The following POLH variants were observed in gnomAD, a reference collection of about 807,000 sequenced individuals.
POLH encodes the protein DNA polymerase eta.
A neutral mutation model predicts 73.6 loss-of-function variants in POLH; 53 were observed. That is an observed-to-expected ratio of 0.72 (90% CI 0.58 to 0.91). POLH has a LOEUF of 0.91. Among genes scored for constraint, POLH ranks in the 40% least tolerant of loss-of-function variants. The pLI, the probability that POLH is intolerant of heterozygous loss-of-function variation, is 0.00. For synonymous variants in POLH, 292 were observed against 308.5 expected (o/e 0.95, Z 0.56); for missense variants, 768 against 865.4 (o/e 0.89, Z 1.41).
intron 4 of POLH, among the ~76,000 whole-genome samples, chr6:43,590,454 TTTTTTGTTTTGG>T (rs925970445): frequency 5.3e-5 from 8 of 151,950 alleles, no homozygotes; most frequent in Non-Finnish European, 1.2e-4. Flanking sequence ...TGAGGGTTTT[TTTTTTGTTTTGG>T]TTTTTGTTTT....
chr6:43,577,902 G>T (rs1047860722), intron 1 of POLH, among the ~76,000 whole-genome samples: 3 of 150,650 alleles, frequency 2.0e-5, no homozygotes, highest in African/African-American at 7.3e-5. Flanking sequence ...GGCTAACACG[G>T]TGAAACCCCG....
rs1768165382 is a variant in POLH, at chr6:43,614,124, A to AGTATCCAGGGTGTGTCCCTGTTT, written c.1712_1734dup (p.Glu579IlefsTer14). 6.2e-7 allele frequency: 1 copy of AGTATCCAGGGTGTGTCCCTGTTT among 1,614,084 alleles called. No individual in the cohort carries two copies. ...GCATTACCAAACTCTTTACCAACAG[A>AGTATCCAGGGTGTGTCCCTGTTT]GTATCCAGGGTGTGTCCCTGTTTGT... On this transcript the variant is annotated frameshift_variant, in exon 11 of 11. Coordinates refer to ENST00000372236, the MANE Select transcript of POLH (RefSeq NM_006502.3). LOFTEE classifies it high-confidence loss of function.
At chr6:43,595,154 T>G (rs1407484171) in intron 4 of POLH, among the ~76,000 whole-genome samples, 3 of 110,214 alleles carry the variant, frequency 2.7e-5, no homozygotes, top group Non-Finnish European at 5.1e-5. Flanking sequence ...AAAGACAGGT[T>G]TTTTTTTTTT....
intron 1 of POLH, 86 bp downstream of exon 1, chr6:43,576,526 T>G (rs1763357171): frequency 6.6e-6 from 1 of 152,228 alleles, no homozygotes; most frequent in African/African-American, 2.4e-5. Context: ...TAGCAGTGAC[T>G]GGGCCAAGGT....
intron 4 of POLH, among the ~76,000 whole-genome samples, chr6:43,591,542 C>T (rs1765460451): frequency 6.6e-6 from 1 of 151,912 alleles, no homozygotes; most frequent in South Asian, 2.1e-4. Context: ...TGGTCTCAAA[C>T]TCCTGGCATC....
rs535845839 is a variant in POLH, at chr6:43,617,273, T to C, written c.*2716T>C. Among the ~76,000 whole-genome samples the C allele has an allele frequency of 5.9e-5, 9 of 152,290 alleles. No individual in the cohort carries two copies. The highest frequency in any genetic ancestry group is 1.9e-4 in the East Asian group (1 of 5,184). On this transcript the variant is annotated 3_prime_UTR_variant, in exon 11 of 11. Transcript: ENST00000372236. ...AGCCTCAGTATCACCAGGGAACTTA[T>C]TAGAAATAGTCTCAGCCTCACCACT...
chr6:43,596,486 AAAAAAAG>A (rs1308360782), intron 4 of POLH, among the ~76,000 whole-genome samples: 2 of 152,226 alleles, frequency 1.3e-5, no homozygotes, highest in Non-Finnish European at 2.9e-5. Context: ...TCGTCTCAAA[AAAAAAAG>A]AAAAAAGAAA....
At chr6:43,587,886 G>C (rs1270848910) in intron 4 of POLH, among the ~76,000 whole-genome samples, 1 of 152,176 alleles carries the variant, frequency 6.6e-6, no homozygotes, top group East Asian at 1.9e-4. Flanking sequence ...AATTAGCTGG[G>C]CATGGTGGCG....
chr6:43,589,059 C>T (rs1339027853), intron 4 of POLH, among the ~76,000 whole-genome samples: 5 of 150,922 alleles, frequency 3.3e-5, no homozygotes, highest in South Asian at 4.2e-4. Flanking sequence ...AAGATGGTCT[C>T]GATCTCCTGA....
chr6:43,580,665 G>T (rs1561895080), intron 1 of POLH, among the ~76,000 whole-genome samples: 1 of 140,244 alleles, frequency 7.1e-6, no homozygotes, highest in Non-Finnish European at 1.6e-5. Flanking sequence ...CGGGCAGGGG[G>T]GCTGACCCCC....
rs1561910006 is a variant in POLH at position 43,604,718 on chromosome 6, G to C, written c.988G>C (p.Ala330Pro). 1 of 1,614,104 alleles carries C rather than the reference G, an allele frequency of 6.2e-7. No homozygotes were observed. Among genetic ancestry groups the C allele is most frequent in the Non-Finnish European group, 8.5e-7 (1 of 1,180,002 alleles). ...TAGTAAGAACTTCCCAGGAAAAACAGCTCTTGCTACTCGGGAACAGGTAAG... is the reference window on the plus strand; with the variant it reads ...TAGTAAGAACTTCCCAGGAAAAACACCTCTTGCTACTCGGGAACAGGTAAG... The part of the protein sequence containing the change: ...GCSKNFPGKT[A>P]LATREQVQWW... The change falls in exon 8 of 11, where the codon GCT becomes CCT. Residue 330 changes from alanine to proline, a missense_variant. By Grantham distance (27) the Ala-to-Pro change is conservative. Coordinates refer to ENST00000372236, the MANE Select transcript of POLH (RefSeq NM_006502.3).
At chr6:43,591,252 A>C (rs931979033) in intron 4 of POLH, 1 of 152,220 alleles carries the variant, frequency 6.6e-6, no homozygotes, top group East Asian at 1.9e-4. Flanking sequence ...AAATTTAATT[A>C]TCATAATAAG....
At chr6:43,599,920 A>G (rs1271156874) in intron 5 of POLH, among the ~76,000 whole-genome samples, 1 of 152,008 alleles carries the variant, frequency 6.6e-6, no homozygotes, top group East Asian at 1.9e-4. Context: ...GCACTTTGGG[A>G]TCCCGAGGCT....
intron 7 of POLH, 137 bp downstream of exon 7, chr6:43,604,148 T>C: frequency 1.3e-6 from 1 of 781,586 alleles, no homozygotes. Flanking sequence ...TGGTTCTTCT[T>C]GCTTCAATAT....
At chr6:43,600,440 G>A (rs1187997813) in intron 5 of POLH, among the ~76,000 whole-genome samples, 1 of 151,954 alleles carries the variant, frequency 6.6e-6, no homozygotes, top group Admixed American at 6.6e-5. Context: ...AGTTCTCAAG[G>A]ATTTAAGCTT....
intron 1 of POLH, among the ~76,000 whole-genome samples, chr6:43,581,554 G>T (rs1471728885): frequency 6.6e-6 from 1 of 150,542 alleles, no homozygotes; most frequent in African/African-American, 2.5e-5. Flanking sequence ...GCTGCTCCTT[G>T]CCCTCGGGCC....
At chr6:43,591,425 TC>T (rs1320929797) in intron 4 of POLH, 2 of 152,208 alleles carry the variant, frequency 1.3e-5, no homozygotes, top group African/African-American at 2.4e-5. Context: ...GTTCAAGTGA[TC>T]CTCATGCCTC....
At chr6:43,596,640 A>G (rs1415188952) in intron 4 of POLH, among the ~76,000 whole-genome samples, 2 of 152,222 alleles carry the variant, frequency 1.3e-5, no homozygotes, top group African/African-American at 4.8e-5. Flanking sequence ...TAAGCCCTTA[A>G]TAGAAATAGG....
intron 4 of POLH, among the ~76,000 whole-genome samples, chr6:43,594,967 G>C (rs1224055655): frequency 6.6e-6 from 1 of 151,154 alleles, no homozygotes; most frequent in African/African-American, 2.4e-5. Context: ...GGGGGCATAT[G>C]GGGGGGGATT....
Sources: gnomAD v4.1 joint callset for allele counts (sites outside exome capture counted in the v4.1 genomes callset) on GRCh38, gnomAD v4.1.1 for gene constraint, MANE v1.5 for transcripts, NCBI Gene and HGNC (gene_info 2026-07-23, HGNC 2026-07-21) for gene names.